ZW10: variants seen among roughly 807,000 people sequenced by gnomAD.
The protein encoded by ZW10 is zw10 kinetochore protein.
A neutral mutation model predicts 87.8 loss-of-function variants in ZW10; 53 were observed. The observed-to-expected ratio is 0.60, with a 90% confidence interval of 0.48 to 0.76. The LOEUF (loss-of-function observed/expected upper bound fraction) is 0.76, where lower values mean the gene tolerates loss of function less well. Among genes scored for constraint, ZW10 ranks in the 30% least tolerant of loss-of-function variants. ZW10 has a pLI of 0.00. For synonymous variants in ZW10, 312 were observed against 329.2 expected, an observed-to-expected ratio of 0.95 and a Z score of 0.57; for missense variants, 837 against 923.0, an observed-to-expected ratio of 0.91 and a Z score of 1.21.
At chr11:113,769,640 GA>G in intron 1 of ZW10, 1 of 270,386 alleles carries the variant, frequency 3.7e-6, no homozygotes, top group East Asian at 1.5e-4. Flanking sequence ...GTAGATGCGG[GA>G]AGCCGGACTC....
At chr11:113,736,379 C>T (rs1343659620) in intron 15 of ZW10, among the ~76,000 whole-genome samples, 1 of 152,040 alleles carries the variant, frequency 6.6e-6, no homozygotes, top group Non-Finnish European at 1.5e-5. Context: ...TACAGCATGC[C>T]AAACCACATA....
chr11:113,757,107 TA>T (rs112995495), intron 7 of ZW10, among the ~76,000 whole-genome samples: 566 of 136,910 alleles, frequency 4.1e-3, no homozygotes, highest in South Asian at 0.012. Context: ...CAAATAGACT[TA>T]AAAAAAAAAA....
chr11:113,756,647 A>G (rs1953789390), intron 7 of ZW10, among the ~76,000 whole-genome samples: 1 of 152,322 alleles, frequency 6.6e-6, no homozygotes, highest in South Asian at 2.1e-4. Context: ...GCAGGATAAA[A>G]TGCCTCAAGT....
intron 9 of ZW10, among the ~76,000 whole-genome samples, chr11:113,746,586 G>A (rs1360536223): frequency 6.6e-6 from 1 of 151,262 alleles, no homozygotes; most frequent in Admixed American, 6.6e-5. Context: ...CATATAAAAT[G>A]TTGGTTGATG....
At position 113,758,591 on chromosome 11, in the gene ZW10, A is replaced by G. The variant is rs1266178929; in HGVS notation, c.696T>C (p.Ser232=). ...PPISSVLLAF[S]VLGELHSKLK... ...GCTTGCTGTGTAGTTCTCCAAGAAC[A>G]GAAAATGCCAAGAGGACAGAACTGA... Residue 232 remains serine (S), a synonymous_variant, in exon 6 of 16, where the codon TCT becomes TCC. Transcript: ENST00000200135. 2 of 1,613,940 alleles carry G rather than the reference A, an allele frequency of 1.2e-6. No homozygotes were observed. The highest frequency in any genetic ancestry group is 2.7e-5 in the African/African-American group (2 of 74,914).
chr11:113,747,597 T>C lies in ZW10; in HGVS notation c.1206A>G (p.Lys402=). Residue 402 remains lysine, a synonymous_variant, in exon 9 of 16, where the codon AAA becomes AAG. Coordinates refer to ENST00000200135, the MANE Select transcript of ZW10 (RefSeq NM_004724.4). ...ARNINSHFAN[K]KCQDVIVAAR... is the part of the protein sequence containing the mutation. ...CTGCCACAATCACATCCTGGCACTTTTTGTTTGCAAAATGAGAATTGATGT... is the reference window on the plus strand; with the variant it reads ...CTGCCACAATCACATCCTGGCACTTCTTGTTTGCAAAATGAGAATTGATGT... 6.2e-7 allele frequency: 1 copy of C among 1,613,768 alleles called. No homozygotes were observed. The highest frequency in any genetic ancestry group is 2.2e-5 in the East Asian group (1 of 44,848).
At position 113,773,576 on chromosome 11, in the gene ZW10, C is replaced by T; in HGVS notation, c.91G>A (p.Val31Met). ...CCCGCTCTCACCTTGATCTCCTCCA[C>T]CCGCCGGGTCAGGCGGCTGATCCGG... is the stretch of plus-strand genomic sequence containing the variant. ...GTRISRLTRRVEEIKGEVCNM... is the reference protein window; with the variant it reads ...GTRISRLTRRMEEIKGEVCNM... Residue 31 changes from valine to methionine, a missense_variant, in exon 1 of 16, where the codon GTG becomes ATG. Coordinates refer to ENST00000200135, the MANE Select transcript of ZW10 (RefSeq NM_004724.4). The T allele has an allele frequency of 6.2e-7, 1 of 1,613,566 alleles. No homozygotes were observed. Among genetic ancestry groups the T allele is most frequent in the South Asian group, 1.1e-5 (1 of 91,088 alleles).
At chr11:113,757,925 T>A in intron 6 of ZW10, 72 bp from the exon 7 acceptor site, 2 of 1,292,430 alleles carry the variant, frequency 1.5e-6, no homozygotes, top group South Asian at 3.5e-5. Context: ...GTGGCTTACA[T>A]CTGTAATCCC....
intron 7 of ZW10, among the ~76,000 whole-genome samples, chr11:113,752,959 A>G (rs185708307): frequency 3.3e-5 from 5 of 152,368 alleles, no homozygotes; most frequent in Admixed American, 3.3e-4. Context: ...TTGAATTCAA[A>G]GGAAAAGACT....
Position 113,760,487 on chromosome 11 carries a change from C to T in ZW10, c.420+26G>A, listed in dbSNP as rs200288201. 2.3e-4 allele frequency: 371 copies of T among 1,607,634 alleles called. 1 individual carries two copies. The African/African-American group carries it at 4.6e-3, about 20-fold the overall frequency. ...GAAAACAAGAAGAGCACTTATTGCGCATGCTTTGGGGAGAGCATTTAGTAC... is the reference window on the plus strand; with the variant it reads ...GAAAACAAGAAGAGCACTTATTGCGTATGCTTTGGGGAGAGCATTTAGTAC... On this transcript the variant is annotated intron_variant, in intron 4 of 15. Transcript: ENST00000200135.
intron 7 of ZW10, among the ~76,000 whole-genome samples, chr11:113,750,366 C>T (rs751924956): frequency 3.3e-5 from 5 of 151,512 alleles, no homozygotes; most frequent in South Asian, 2.1e-4. Flanking sequence ...AGCAATGGCG[C>T]GATCTTGGCT....
chr11:113,758,764 T>C lies in ZW10; in HGVS notation c.581-58A>G, dbSNP rs191075882. On this transcript the variant is annotated intron_variant, in intron 5 of 15. Transcript: ENST00000200135. ...CACCAATATGAGATGTTCCCACTTCTATTCCTCAGAGCTCATTCTCTGATA... is the reference window on the plus strand; with the variant it reads ...CACCAATATGAGATGTTCCCACTTCCATTCCTCAGAGCTCATTCTCTGATA... 6.2e-5 allele frequency: 95 copies of C among 1,539,772 alleles called. 1 individual carries two copies. In the Middle Eastern group the frequency reaches 9.2e-4, roughly 15 times the overall value.
At chr11:113,737,802 A>G (rs1238518067) in intron 13 of ZW10, 99 bp from the exon 14 acceptor site, 2 of 1,380,412 alleles carry the variant, frequency 1.4e-6, no homozygotes, top group South Asian at 1.5e-5. Flanking sequence ...GGAAAGTGGC[A>G]TTATGCCAAA....
chr11:113,757,571 A>G (rs1259060182), intron 7 of ZW10, 91 bp downstream of exon 7: 8 of 1,018,660 alleles, frequency 7.9e-6, no homozygotes, highest in Non-Finnish European at 9.3e-6. Flanking sequence ...TTTCTCACAC[A>G]TTATAGGCAT....
At chr11:113,738,456 G>A in intron 12 of ZW10, 62 bp from the exon 13 acceptor site, 1 of 1,519,558 alleles carries the variant, frequency 6.6e-7, no homozygotes, top group Non-Finnish European at 8.9e-7. Context: ...TGCAAAACCA[G>A]GATAGACAAG....
Position 113,760,500 on chromosome 11 carries a change from G to C in ZW10, c.420+13C>G, listed in dbSNP as rs767935931. 2 of 1,611,614 alleles carry C rather than the reference G, an allele frequency of 1.2e-6. No individual in the cohort carries two copies. Among genetic ancestry groups the C allele is most frequent in the Non-Finnish European group, 1.7e-6 (2 of 1,178,560 alleles). On this transcript the variant is annotated intron_variant, in intron 4 of 15. Coordinates refer to ENST00000200135, the MANE Select transcript of ZW10 (RefSeq NM_004724.4). ...GCACTTATTGCGCATGCTTTGGGGA[G>C]AGCATTTAGTACCTCTTCCAGACGC...
chr11:113,772,784 C>T (rs1316335075), intron 1 of ZW10, among the ~76,000 whole-genome samples: 2 of 146,392 alleles, frequency 1.4e-5, no homozygotes, highest in African/African-American at 5.1e-5. Flanking sequence ...ACCAGTCTGG[C>T]CAACATGGTG....
chr11:113,737,582 G>A lies in ZW10; in HGVS notation c.2006C>T (p.Thr669Ile), dbSNP rs780135496. Residue 669 changes from threonine (T) to isoleucine (I), a missense_variant, in exon 14 of 16, where the codon ACT (threonine) becomes ATT (isoleucine). Physicochemically the swap from Thr to Ile is moderately conservative, Grantham distance 89. Transcript: ENST00000200135. ...TAISEVIGKI[T>I]ALEDISTEDG... ...TCTAATGGCCCTTACCTCTAGGGCAGTAATTTTGCCAATGACCTCAGAAAT... is the reference window on the plus strand; with the variant it reads ...TCTAATGGCCCTTACCTCTAGGGCAATAATTTTGCCAATGACCTCAGAAAT... 1.9e-6 allele frequency: 3 copies of A among 1,611,740 alleles called. No homozygotes were observed. The highest frequency in any genetic ancestry group is 1.3e-5 in the African/African-American group (1 of 75,040).
At chr11:113,735,905 G>A (rs944065499) in intron 15 of ZW10, among the ~76,000 whole-genome samples, 1 of 152,134 alleles carries the variant, frequency 6.6e-6, no homozygotes, top group African/African-American at 2.4e-5. Flanking sequence ...TCAAACAGTA[G>A]TCTGATGCTC....
Sources: allele counts gnomAD v4.1 joint callset (sites outside exome capture counted in the v4.1 genomes callset), GRCh38; gene constraint gnomAD v4.1.1; transcripts MANE v1.5; gene names NCBI Gene and HGNC (gene_info 2026-07-23, HGNC 2026-07-21).